The following NOX3 variants were observed in gnomAD, a reference collection of about 807,000 sequenced individuals.
NOX3 encodes NADPH oxidase catalytic subunit-like 3.
Under a neutral mutation model 76.7 loss-of-function variants are expected in NOX3, and 74 were observed. The ratio of observed to expected loss-of-function variants is 0.96; its 90% CI spans 0.80 to 1.17. NOX3 has a LOEUF of 1.17. NOX3 is among the 50% of genes most tolerant of loss of function. NOX3 has a pLI of 0.00. For synonymous variants in NOX3, 263 were observed against 261.1 expected (o/e 1.01, Z -0.07); for missense variants, 695 against 703.3 (o/e 0.99, Z 0.13).
intron 10 of NOX3, among the ~76,000 whole-genome samples, chr6:155,419,045 G>A (rs1776656156): frequency 3.3e-5 from 5 of 152,216 alleles, no homozygotes; most frequent in South Asian, 4.1e-4. Context: ...TGAAGACACC[G>A]TTAGATAAAT....
At chr6:155,420,746 T>G (rs1776678956) in intron 10 of NOX3, among the ~76,000 whole-genome samples, 1 of 152,160 alleles carries the variant, frequency 6.6e-6, no homozygotes. Context: ...AAAGATGGCA[T>G]GAGATAGTGC....
intron 4 of NOX3, among the ~76,000 whole-genome samples, chr6:155,446,027 C>T (rs1777061661): frequency 7.5e-6 from 1 of 133,418 alleles, no homozygotes; most frequent in Non-Finnish European, 1.6e-5. Context: ...TTTTCTTTAG[C>T]CTTTAAGTTG....
intron 7 of NOX3, among the ~76,000 whole-genome samples, chr6:155,431,520 G>C (rs1237864469): frequency 6.6e-6 from 1 of 151,254 alleles, no homozygotes; most frequent in African/African-American, 2.4e-5. Context: ...ACAGCAAAAG[G>C]CTCAATAATT....
chr6:155,446,976 A>C (rs1434507933), intron 4 of NOX3, among the ~76,000 whole-genome samples: 3 of 152,148 alleles, frequency 2.0e-5, no homozygotes, highest in Admixed American at 6.5e-5. Flanking sequence ...TGATAGTCAG[A>C]AAGAGAAGGC....
At chr6:155,437,254 C>T (rs10223752) in intron 6 of NOX3, among the ~76,000 whole-genome samples, 15,294 of 152,226 alleles carry the variant, frequency 0.1, 864 homozygotes, top group Admixed American at 0.17. Context: ...CCTAGGGTTC[C>T]TTCTTGGTGC....
intron 7 of NOX3, 103 bp downstream of exon 7, chr6:155,436,315 T>G: frequency 7.5e-7 from 1 of 1,327,386 alleles, no homozygotes; most frequent in Non-Finnish European, 1.1e-6. Flanking sequence ...AGAGTTGGCT[T>G]TGTCTAGTGG....
intron 12 of NOX3, among the ~76,000 whole-genome samples, chr6:155,397,391 C>A (rs954301347): frequency 6.6e-6 from 1 of 152,222 alleles, no homozygotes; most frequent in Admixed American, 6.5e-5. Flanking sequence ...TTACACAATG[C>A]CTGGACTTGA....
intron 12 of NOX3, among the ~76,000 whole-genome samples, chr6:155,403,240 A>G (rs1460145641): frequency 1.3e-5 from 2 of 152,240 alleles, no homozygotes; most frequent in Non-Finnish European, 2.9e-5. Context: ...CCTTTTACAC[A>G]GCAGAAAACA....
chr6:155,430,379 G>T (rs1213905048), intron 8 of NOX3, among the ~76,000 whole-genome samples: 1 of 151,992 alleles, frequency 6.6e-6, no homozygotes, highest in East Asian at 1.9e-4. Flanking sequence ...CCCCACAGTG[G>T]TCCCTCTTGC....
At chr6:155,398,325 T>A (rs1354359433) in intron 12 of NOX3, among the ~76,000 whole-genome samples, 1 of 152,144 alleles carries the variant, frequency 6.6e-6, no homozygotes, top group African/African-American at 2.4e-5. Flanking sequence ...ATCAAGACAT[T>A]CTTTGGGCTT....
chr6:155,414,595 C>G (rs948962259), intron 10 of NOX3, among the ~76,000 whole-genome samples: 2 of 149,564 alleles, frequency 1.3e-5, no homozygotes, highest in African/African-American at 4.9e-5. Context: ...AGGACTCATC[C>G]AACACTTTTT....
At chr6:155,427,364 T>C (rs1776771349) in intron 9 of NOX3, among the ~76,000 whole-genome samples, 1 of 152,230 alleles carries the variant, frequency 6.6e-6, no homozygotes, top group South Asian at 2.1e-4. Context: ...GACTACATTT[T>C]GTGTCTCAAA....
chr6:155,438,369 G>C (rs926949833), intron 6 of NOX3, among the ~76,000 whole-genome samples: 3 of 152,182 alleles, frequency 2.0e-5, no homozygotes, highest in African/African-American at 7.2e-5. Context: ...AAAGAGAATG[G>C]AAAGCCTCTA....
chr6:155,401,775 C>T (rs1243835191), intron 12 of NOX3, among the ~76,000 whole-genome samples: 7 of 136,156 alleles, frequency 5.1e-5, no homozygotes, highest in African/African-American at 1.4e-4. Flanking sequence ...AAAAGAAATA[C>T]GTCTACTGAA....
intron 5 of NOX3, 35 bp from the exon 6 acceptor site, chr6:155,440,172 A>AC (rs759252349): frequency 6.8e-7 from 1 of 1,466,178 alleles, no homozygotes; most frequent in East Asian, 2.3e-5. Context: ...AAAGAAACAA[A>AC]CAAAAAAAAA....
In NOX3 at chr6:155,397,079, C is replaced by G. The variant is rs1289658662; in HGVS notation, c.1581-117G>C. The G allele has an allele frequency of 2.4e-5, 23 of 976,748 alleles. No homozygotes were observed. The Admixed American group carries it at 7.0e-4, about 30-fold the overall frequency. The allele number at this position is 976,748 out of a possible 1,614,324, so 60.5% of individuals were successfully genotyped here. A position where few individuals can be genotyped will look rare whatever the true frequency, so the allele number is the denominator to read the frequency against. On this transcript the variant is annotated intron_variant, in intron 12 of 13. Transcript: ENST00000159060. ...TGGCTTTACTTATTTATTTTTCTCC[C>G]TCCATGTCGTTTTTTCTTAGATTCT...
At chr6:155,455,252 C>T in intron 1 of NOX3, 123 bp from the exon 2 acceptor site, 1 of 623,506 alleles carries the variant, frequency 1.6e-6, no homozygotes, top group Non-Finnish European at 2.8e-6. Context: ...CAGAATTACT[C>T]CACATATTTA....
intron 5 of NOX3, among the ~76,000 whole-genome samples, chr6:155,440,996 C>G (rs978406327): frequency 2.6e-4 from 40 of 152,160 alleles, no homozygotes; most frequent in African/African-American, 9.4e-4. Flanking sequence ...TGGAATAAGG[C>G]TTGGTAAATC....
At chr6:155,448,757 G>C (rs1030000731) in intron 4 of NOX3, among the ~76,000 whole-genome samples, 11 of 151,854 alleles carry the variant, frequency 7.2e-5, no homozygotes, top group Admixed American at 1.3e-4. Context: ...GAGCATAATT[G>C]GGGGGAATCT....
Sources: allele counts gnomAD v4.1 joint callset (sites outside exome capture counted in the v4.1 genomes callset), GRCh38; gene constraint gnomAD v4.1.1; transcripts MANE v1.5; gene names NCBI Gene and HGNC (gene_info 2026-07-23, HGNC 2026-07-21).